The following CCDC33 variants were observed in gnomAD, a reference collection of about 807,000 sequenced individuals.
The protein encoded by CCDC33 is coiled-coil domain-containing protein 33.
Under a neutral mutation model 91.9 loss-of-function variants are expected in CCDC33, and 94 were observed. That is an observed-to-expected ratio of 1.02 (90% CI 0.87 to 1.21). The LOEUF (loss-of-function observed/expected upper bound fraction) is 1.21. Among genes scored for constraint, CCDC33 ranks in the 50% most tolerant of loss-of-function variants. CCDC33 has a pLI of 0.00. For synonymous variants in CCDC33, 396 were observed against 374.5 expected, an observed-to-expected ratio of 1.06 and a Z score of -0.66; for missense variants, 940 against 935.5, an observed-to-expected ratio of 1.00 and a Z score of -0.06.
At position 74,315,625 on chromosome 15, in the gene CCDC33, G is replaced by A. The variant is rs193246828; in HGVS notation, c.1291-14564G>A. On this transcript the variant is annotated intron_variant, in intron 11 of 18. Transcript: ENST00000398814. ...CAGGCTCTAGAAATTCAGAAAGGAA[G>A]CCAAGAAGAGTAGGAAAGTCTTTTG... is the stretch of plus-strand genomic sequence containing the variant. 2.5e-4 allele frequency among the ~76,000 whole-genome samples: 38 copies of A among 152,380 alleles called. No individual in the cohort carries two copies. The East Asian group carries it at 7.3e-3, about 29-fold the overall frequency.
At chr15:74,292,417 G>A (rs1333126223) in intron 10 of CCDC33, among the ~76,000 whole-genome samples, 2 of 152,214 alleles carry the variant, frequency 1.3e-5, no homozygotes, top group South Asian at 2.1e-4. Context: ...TGAGCTGATT[G>A]AAGCTGTGGA....
chr15:74,221,188 TCTC>T (rs1358047817), intron 2 of CCDC33: 1 of 981,702 alleles, frequency 1.0e-6, no homozygotes, highest in African/African-American at 1.8e-5. Context: ...CACAAGTTGT[TCTC>T]CAGTTTGTGT....
intron 10 of CCDC33, among the ~76,000 whole-genome samples, chr15:74,295,322 G>A (rs2059663641): frequency 6.6e-6 from 1 of 152,206 alleles, no homozygotes; most frequent in Admixed American, 6.5e-5. Context: ...AAATTTTCTG[G>A]TAGAGTAGGT....
At chr15:74,276,633 G>A (rs767373442) in intron 7 of CCDC33, among the ~76,000 whole-genome samples, 18 of 152,228 alleles carry the variant, frequency 1.2e-4, no homozygotes, top group Admixed American at 2.0e-4. Flanking sequence ...TTACTATCAC[G>A]ACAAGGCAAA....
At chr15:74,323,496 C>T (rs2060246212) in intron 11 of CCDC33, among the ~76,000 whole-genome samples, 1 of 151,086 alleles carries the variant, frequency 6.6e-6, no homozygotes, top group South Asian at 2.1e-4. Context: ...GCTTTCTGTC[C>T]TTGCTTTGCT....
intron 10 of CCDC33, among the ~76,000 whole-genome samples, chr15:74,293,075 C>T (rs1029449477): frequency 3.3e-5 from 5 of 152,154 alleles, no homozygotes; most frequent in African/African-American, 1.2e-4. Context: ...TGCATTGACC[C>T]ATCTGGTGCT....
intron 11 of CCDC33, chr15:74,302,996 G>T (rs1256846608): frequency 2.0e-5 from 3 of 152,284 alleles, no homozygotes; most frequent in Non-Finnish European, 2.9e-5. Context: ...CCTTGGTCCT[G>T]CCCCCAGACC....
At position 74,262,442 on chromosome 15, in the gene CCDC33, A is replaced by C; in HGVS notation, c.188A>C (p.Lys63Thr). 1 of 1,613,998 alleles carries C rather than the reference A, an allele frequency of 6.2e-7. No individual in the cohort carries two copies. The highest frequency in any genetic ancestry group is 8.5e-7 in the Non-Finnish European group (1 of 1,179,920). Reference sequence around the variant, plus strand: ...CACCCTGCCCCTGCTCTCCCCAGGAAAAGCACATCTGAGGAAAAGAACAAT... The same window carrying C: ...CACCCTGCCCCTGCTCTCCCCAGGACAAGCACATCTGAGGAAAAGAACAAT... ...GSEPWPYVVV[K>T]STSEEKNNQS... The change falls in exon 3 of 19, where the codon AAA becomes ACA. Residue 63 changes from lysine to threonine, a missense_variant and splice_region_variant. Transcript: ENST00000398814.
intron 1 of CCDC33, chr15:74,203,350 G>C (rs901164471): frequency 6.0e-5 from 18 of 301,508 alleles, no homozygotes; most frequent in South Asian, 1.3e-4. Flanking sequence ...GTGAGGTTGA[G>C]GGTGAGCAAG....
chr15:74,291,153 C>T (rs1204682351), intron 10 of CCDC33, among the ~76,000 whole-genome samples: 6 of 152,250 alleles, frequency 3.9e-5, no homozygotes, highest in Non-Finnish European at 7.3e-5. Flanking sequence ...TCAAACCCCA[C>T]TGCAGCTGCA....
chr15:74,251,889 C>A (rs1381372901), intron 2 of CCDC33, among the ~76,000 whole-genome samples: 1 of 152,174 alleles, frequency 6.6e-6, no homozygotes, highest in Non-Finnish European at 1.5e-5. Context: ...AAGAAGGTTA[C>A]AGTTATCAAA....
At chr15:74,329,277 G>A (rs2060376766) in intron 11 of CCDC33, among the ~76,000 whole-genome samples, 1 of 152,056 alleles carries the variant, frequency 6.6e-6, no homozygotes, top group Admixed American at 6.6e-5. Context: ...GTATTGTGAA[G>A]TGTCCACATA....
At chr15:74,328,708 GCCAGGAGACC>G (rs1567039065) in intron 11 of CCDC33, among the ~76,000 whole-genome samples, 1 of 152,184 alleles carries the variant, frequency 6.6e-6, no homozygotes. Flanking sequence ...GGCCCCTGCT[GCCAGGAGACC>G]CCTGCTCTCG....
At chr15:74,284,976 T>C (rs1596028299) in intron 10 of CCDC33, among the ~76,000 whole-genome samples, 1 of 152,278 alleles carries the variant, frequency 6.6e-6, no homozygotes, top group Non-Finnish European at 1.5e-5. Context: ...AGCCACCACC[T>C]GACACCTGGA....
chr15:74,332,865 G>A lies in CCDC33; in HGVS notation c.1938+20G>A. On this transcript the variant is annotated intron_variant, in intron 16 of 18. Coordinates refer to ENST00000398814, the MANE Select transcript of CCDC33 (RefSeq NM_025055.5). ...CTGCCGGTAAGAGGCCCTTGACCTGGGCCTGCCTATGCCGGTCACTGGGTG... is the reference window on the plus strand; with the variant it reads ...CTGCCGGTAAGAGGCCCTTGACCTGAGCCTGCCTATGCCGGTCACTGGGTG... 6.2e-7 allele frequency: 1 copy of A among 1,611,518 alleles called. No homozygotes were observed. Among genetic ancestry groups the A allele is most frequent in the Middle Eastern group, 1.7e-4 (1 of 5,808 alleles).
At chr15:74,240,070 G>C (rs168432) in intron 1 of CCDC33, among the ~76,000 whole-genome samples, 66,731 of 152,134 alleles carry the variant, frequency 0.44, 15,372 homozygotes, top group East Asian at 0.67. Context: ...CCTTACCCTT[G>C]GCCCCAAGCC....
chr15:74,260,117 TTTGC>T (rs2075980348), intron 2 of CCDC33, among the ~76,000 whole-genome samples: 1 of 152,226 alleles, frequency 6.6e-6, no homozygotes, highest in African/African-American at 2.4e-5. Context: ...GGTCTCTGAC[TTTGC>T]TGGGGCAGCT....
chr15:74,269,258 C>T (rs977745861), intron 5 of CCDC33, among the ~76,000 whole-genome samples: 109 of 152,180 alleles, frequency 7.2e-4, no homozygotes, highest in African/African-American at 2.2e-3. Flanking sequence ...AGGACCCAAG[C>T]TCTGAGCTTC....
chr15:74,332,780 C>T lies in CCDC33; in HGVS notation c.1873C>T (p.Arg625Trp), dbSNP rs184774328. 9.6e-5 allele frequency: 155 copies of T among 1,614,186 alleles called. No individual in the cohort carries two copies. The African/African-American group carries it at 1.7e-3, about 18-fold the overall frequency. Residue 625 changes from arginine to tryptophan, a missense_variant, in exon 16 of 19, where the codon CGG becomes TGG. Physicochemically the swap from Arg to Trp is moderately radical, Grantham distance 101. Transcript: ENST00000398814. Reference sequence around the variant, plus strand: ...GCTGCTGGCAGAAAACGCGAAGCTGCGGACGGAGCTGGATAAGAACCGCCA... The same window carrying T: ...GCTGCTGGCAGAAAACGCGAAGCTGTGGACGGAGCTGGATAAGAACCGCCA... The part of the protein sequence containing the change: ...SVLLAENAKL[R>W]TELDKNRHQQ...
Sources: allele counts gnomAD v4.1 joint callset (sites outside exome capture counted in the v4.1 genomes callset), GRCh38; gene constraint gnomAD v4.1.1; transcripts MANE v1.5; gene names NCBI Gene and HGNC (gene_info 2026-07-23, HGNC 2026-07-21).